Variants in STK32B observed in about 807,000 individuals in gnomAD.
The protein encoded by STK32B is serine/threonine kinase 32B, also known as serine/threonine-protein kinase 32B.
In STK32B, 43 loss-of-function variants were observed where a neutral mutation model predicts 52.6. That is an observed-to-expected ratio of 0.82 (90% CI 0.64 to 1.05). The LOEUF is 1.05. Among genes scored for constraint, STK32B ranks in the 50% least tolerant of loss-of-function variants. The probability of loss-of-function intolerance (pLI) is 0.00; values close to 1 mark genes in which losing one functional copy is unlikely to be tolerated. For synonymous variants in STK32B, 238 were observed against 204.3 expected, an observed-to-expected ratio of 1.17 and a Z score of -1.41; for missense variants, 621 against 534.6, an observed-to-expected ratio of 1.16 and a Z score of -1.59.
At chr4:5,143,866 C>T (rs938418766) in intron 2 of STK32B, among the ~76,000 whole-genome samples, 1 of 133,220 alleles carries the variant, frequency 7.5e-6, no homozygotes, top group Non-Finnish European at 1.7e-5. Context: ...AAAAGTGTCT[C>T]CAATCAATAA....
intron 3 of STK32B, among the ~76,000 whole-genome samples, chr4:5,274,039 A>G (rs545521564): frequency 2.0e-5 from 3 of 152,272 alleles, no homozygotes; most frequent in African/African-American, 7.2e-5. Context: ...AAGACTCAAT[A>G]TTGCTAAGCT....
At chr4:5,314,586 C>T (rs560960394) in intron 3 of STK32B, among the ~76,000 whole-genome samples, 2 of 152,318 alleles carry the variant, frequency 1.3e-5, no homozygotes, top group African/African-American at 4.8e-5. Context: ...AGGAGAATCA[C>T]TTGAACCCAG....
chr4:5,115,882 G>C (rs188953638), intron 1 of STK32B, among the ~76,000 whole-genome samples: 1 of 152,270 alleles, frequency 6.6e-6, no homozygotes, highest in East Asian at 1.9e-4. Flanking sequence ...CTATGAAATT[G>C]ATAGTATTAA....
intron 3 of STK32B, among the ~76,000 whole-genome samples, chr4:5,317,159 TACATATATATA>T (rs1268092467): frequency 2.7e-5 from 1 of 37,366 alleles, no homozygotes; most frequent in Non-Finnish European, 3.6e-5. Context: ...ATATACATAT[TACATATATATA>T]ACATATAATA....
chr4:5,309,551 C>G (rs758425939), intron 3 of STK32B, among the ~76,000 whole-genome samples: 2 of 152,066 alleles, frequency 1.3e-5, no homozygotes, highest in Non-Finnish European at 2.9e-5. Context: ...ACCAATGGAG[C>G]AGAATAGAGA....
chr4:5,020,781 C>A, the STK32B span, among the ~76,000 whole-genome samples: 5 of 152,168 alleles, frequency 3.3e-5, no homozygotes, highest in Admixed American at 2.6e-4. Flanking sequence ...GACTTACATA[C>A]CAGCAGCCAC....
intron 4 of STK32B, among the ~76,000 whole-genome samples, chr4:5,342,482 T>C (rs1385060801): frequency 6.6e-6 from 1 of 152,202 alleles, no homozygotes; most frequent in Admixed American, 6.5e-5. Flanking sequence ...TTCTCACTCA[T>C]GGTTGGGAAC....
chr4:5,438,560 T>C (rs552527569), intron 6 of STK32B, among the ~76,000 whole-genome samples: 1 of 152,342 alleles, frequency 6.6e-6, no homozygotes, highest in East Asian at 1.9e-4. Flanking sequence ...AGGCCAAGCA[T>C]GGCAGAGGAA....
chr4:5,077,135 G>A (rs527574964), intron 1 of STK32B, among the ~76,000 whole-genome samples: 1 of 152,164 alleles, frequency 6.6e-6, no homozygotes, highest in African/African-American at 2.4e-5. Context: ...TGTACATGCA[G>A]CAACTAGAAA....
intron 7 of STK32B, among the ~76,000 whole-genome samples, chr4:5,455,270 G>A (rs920437927): frequency 1.3e-5 from 2 of 152,228 alleles, no homozygotes; most frequent in Non-Finnish European, 1.5e-5. Flanking sequence ...GGGAATTGCC[G>A]TTCCATGAGG....
At chr4:5,443,318 T>TTA (rs1309580726) in intron 6 of STK32B, among the ~76,000 whole-genome samples, 1 of 151,402 alleles carries the variant, frequency 6.6e-6, no homozygotes, top group African/African-American at 2.4e-5. Context: ...TTATTCTTTT[T>TTA]TCTCTAAACT....
chr4:5,168,513 C>A, intron 3 of STK32B, 63 bp downstream of exon 3: 2 of 1,532,240 alleles, frequency 1.3e-6, no homozygotes, highest in Non-Finnish European at 1.8e-6. Context: ...TGCAAATTCG[C>A]CTCTGCTAGA....
intron 11 of STK32B, among the ~76,000 whole-genome samples, chr4:5,475,903 T>A (rs558857829): frequency 3.3e-5 from 5 of 152,194 alleles, no homozygotes; most frequent in African/African-American, 9.6e-5. Context: ...TTTGTTTTTT[T>A]AAATTTTTTT....
chr4:5,364,338 AGT>A (rs1292169138), intron 4 of STK32B, among the ~76,000 whole-genome samples: 1 of 152,246 alleles, frequency 6.6e-6, no homozygotes, highest in African/African-American at 2.4e-5. Flanking sequence ...ATTGGGCCTC[AGT>A]GAAAGAGAGA....
In STK32B at chr4:5,455,013, G is replaced by A. The variant is rs534832534; in HGVS notation, c.667-1794G>A. ...TTTGGTTTTGCTCTGCCTATTATAC[G>A]GTGAAATGGACAGGTCCTCACTCAA... is the stretch of plus-strand genomic sequence containing the variant. On this transcript the variant is annotated intron_variant, in intron 7 of 11. Transcript: ENST00000282908. 5.9e-5 allele frequency among the ~76,000 whole-genome samples: 9 copies of A among 152,206 alleles called. 1 individual carries two copies. The South Asian group carries it at 1.7e-3, about 28-fold the overall frequency.
At chr4:5,375,359 C>T (rs1291795356) in intron 4 of STK32B, among the ~76,000 whole-genome samples, 5 of 152,214 alleles carry the variant, frequency 3.3e-5, no homozygotes, top group Admixed American at 6.5e-5. Context: ...ACGGTGCTCT[C>T]TGCCCCAAAC....
At chr4:5,437,694 CATA>C (rs1714215535) in intron 6 of STK32B, among the ~76,000 whole-genome samples, 1 of 152,176 alleles carries the variant, frequency 6.6e-6, no homozygotes, top group East Asian at 1.9e-4. Flanking sequence ...AAATGAAGAT[CATA>C]GTAGCATTTA....
intron 4 of STK32B, among the ~76,000 whole-genome samples, chr4:5,345,830 A>T (rs1305795347): frequency 6.6e-6 from 1 of 152,236 alleles, no homozygotes; most frequent in Admixed American, 6.5e-5. Flanking sequence ...GATGACTCTC[A>T]TGGAAAAATG....
At position 5,400,307 on chromosome 4, in the gene STK32B, T is replaced by A. The variant is rs1737207729; in HGVS notation, c.472+2063T>A. On this transcript the variant is annotated intron_variant, in intron 5 of 11. Transcript: ENST00000282908. This position sits in a 1 kb window ranked among gnomAD's most constrained non-coding sequence, Gnocchi z 6.1. ...TTCCATCCATCCCATTCCGCCTCCCTTTCTGTACCCATTCTCAGCCTCCAC... is the reference window on the plus strand; with the variant it reads ...TTCCATCCATCCCATTCCGCCTCCCATTCTGTACCCATTCTCAGCCTCCAC... 1.3e-5 allele frequency among the ~76,000 whole-genome samples: 2 copies of A among 152,188 alleles called. No individual in the cohort carries two copies.
Sources: gnomAD v4.1 joint callset for allele counts (sites outside exome capture counted in the v4.1 genomes callset) on GRCh38, gnomAD v4.1.1 for gene constraint, Gnocchi (gnomAD v3.1) non-coding constraint, MANE v1.5 for transcripts, NCBI Gene and HGNC (gene_info 2026-07-23, HGNC 2026-07-21) for gene names.